Variants in DNM1 observed in about 807,000 individuals in gnomAD.
The protein encoded by DNM1 is dynamin 1.
A neutral mutation model predicts 104.6 loss-of-function variants in DNM1; 29 were observed. The observed-to-expected ratio is 0.28, with a 90% CI of 0.21 to 0.38. The LOEUF is 0.38. DNM1 is among the 10% of genes least tolerant of loss of function. The pLI is 1.00. For missense variants in DNM1, 640 were observed against 1,189.4 expected (o/e 0.54, Z 6.79); for synonymous variants, 445 against 475.8 (o/e 0.94, Z 0.84).
At chr9:128,246,954 T>A in intron 16 of DNM1, 1 of 233,930 alleles carries the variant, frequency 4.3e-6, no homozygotes, top group Non-Finnish European at 8.6e-6. Context: ...GCAGTACTAG[T>A]CCTCTTCCTT....
chr9:128,218,850 A>C lies in DNM1; in HGVS notation c.385+119A>C, dbSNP rs564705474. ...AATGACCCTGCCTCTGCATCATCCTATTCCAAGCTCCACCCTGCCGTGATT... is the reference window on the plus strand; with the variant it reads ...AATGACCCTGCCTCTGCATCATCCTCTTCCAAGCTCCACCCTGCCGTGATT... On this transcript the variant is annotated intron_variant, in intron 3 of 21. Coordinates refer to ENST00000372923, the MANE Select transcript of DNM1 (RefSeq NM_004408.4). The surrounding 1 kb of genome is among the most constrained non-coding windows in gnomAD (Gnocchi z 4.8). 7.1e-5 allele frequency: 99 copies of C among 1,389,968 alleles called. No individual in the cohort carries two copies. In the African/African-American group the frequency reaches 1.4e-3, roughly 19 times the overall value. 86.1% of individuals were successfully genotyped at this position (1,389,968 alleles called of 1,614,324 possible).
chr9:128,232,199 C>A, intron 10 of DNM1: 1 of 385,990 alleles, frequency 2.6e-6, no homozygotes, highest in Non-Finnish European at 5.2e-6. Flanking sequence ...CTCCTCCAAA[C>A]TCTACCCTGG....
chr9:128,254,454 T>C lies in DNM1; in HGVS notation c.2535-200T>C. 6.8e-7 allele frequency: 1 copy of C among 1,475,410 alleles called. No individual in the cohort carries two copies. The highest frequency in any genetic ancestry group is 2.5e-5 in the East Asian group (1 of 39,268). The allele number at this position is 1,475,410 out of a possible 1,614,324, so 91.4% of individuals were successfully genotyped here. ...CAGGCGCTATCTGTGAAGCTACGGC[T>C]CCTCCCTCCATCTTCCTCCCCTTTC... is the stretch of plus-strand genomic sequence containing the variant. On this transcript the variant is annotated intron_variant, in intron 21 of 21. Coordinates refer to ENST00000372923, the MANE Select transcript of DNM1 (RefSeq NM_004408.4). This position sits in a 1 kb window ranked among gnomAD's most constrained non-coding sequence, Gnocchi z 6.1.
In DNM1 at chr9:128,222,777, C is replaced by T. The variant is rs1317635408; in HGVS notation, c.1129-16C>T. The T allele has an allele frequency of 6.2e-7, 1 of 1,614,054 alleles. No individual in the cohort carries two copies. Among genetic ancestry groups the T allele is most frequent in the African/African-American group, 1.3e-5 (1 of 75,042 alleles). On this transcript the variant is annotated splice_polypyrimidine_tract_variant and intron_variant, in intron 8 of 21. Transcript: ENST00000372923. The surrounding 1 kb of genome is among the most constrained non-coding windows in gnomAD (Gnocchi z 7.8). ...GGACAGGCCCTGACCAGGCTTTTCT[C>T]TGCTTTTCTACACAGATGGAGTTTG...
chr9:128,234,047 G>A lies in DNM1; in HGVS notation c.1362G>A (p.Glu454=). The A allele has an allele frequency of 6.3e-7, 1 of 1,577,378 alleles. No homozygotes were observed. Among genetic ancestry groups the A allele is most frequent in the Non-Finnish European group, 8.6e-7 (1 of 1,162,300 alleles). ...TCCAGCAGTACCCGCGGCTACGGGAGGAGATGGAGCGCATCGTGACCACCC... is the reference window on the plus strand; with the variant it reads ...TCCAGCAGTACCCGCGGCTACGGGAAGAGATGGAGCGCATCGTGACCACCC... ...KKLQQYPRLR[E]EMERIVTTHI... The change falls in exon 11 of 22, where the codon GAG becomes GAA. Residue 454 remains glutamate (E), a synonymous_variant. Transcript: ENST00000372923.
rs762829241 is a variant in DNM1, at chr9:128,219,297, A to G, written c.589+45A>G. ...CCAATGCACAAAACCCCAGGCTTGC[A>G]GGCTGTCTATTCTTAGTGTAAAGGG... On this transcript the variant is annotated intron_variant, in intron 4 of 21. Transcript: ENST00000372923. 5.2e-6 allele frequency: 8 copies of G among 1,540,150 alleles called. No individual in the cohort carries two copies. In the South Asian group the frequency reaches 8.9e-5, roughly 17 times the overall value.
At position 128,218,433 on chromosome 9, in the gene DNM1, G is replaced by C; in HGVS notation, c.235+129G>C. 7.1e-7 allele frequency: 1 copy of C among 1,413,400 alleles called. No individual in the cohort carries two copies. The highest frequency in any genetic ancestry group is 1.7e-5 in the Admixed American group (1 of 58,960). 87.6% of individuals were successfully genotyped at this position (1,413,400 alleles called of 1,614,324 possible). On this transcript the variant is annotated intron_variant, in intron 2 of 21. Coordinates refer to ENST00000372923, the MANE Select transcript of DNM1 (RefSeq NM_004408.4). The surrounding 1 kb of genome is among the most constrained non-coding windows in gnomAD (Gnocchi z 4.8). ...GTGGGCCTCGTTCCCCTTAGGGATA[G>C]CGGGGATCAAAATACATAATGGAGA...
rs140957239 is a variant in DNM1 at position 128,227,574 on chromosome 9, G to A, written c.1335+3185G>A. Among the ~76,000 whole-genome samples the A allele has an allele frequency of 6.6e-3, 999 of 151,656 alleles. 14 individuals carry two copies. Among genetic ancestry groups the A allele is most frequent in the African/African-American group, 0.023 (942 of 41,328 alleles). ...TTTTTGTATTTTTAGTAGAGACGGG[G>A]TTTCACCATGTTAGCCAGGCTGGTC... is the stretch of plus-strand genomic sequence containing the variant. On this transcript the variant is annotated intron_variant, in intron 10 of 21. Transcript: ENST00000372923.
Position 128,245,067 on chromosome 9 carries a change from G to T in DNM1, c.1672-1327G>T, listed in dbSNP as rs1453179778. The stretch of plus-strand genomic sequence containing the variant: ...CCGGCCGGCAGGAAGGGAGGGGTGG[G>T]GGGAGGAGGCCGCTCCTACCTAGTG... On this transcript the variant is annotated intron_variant, in intron 15 of 21. Coordinates refer to ENST00000372923, the MANE Select transcript of DNM1 (RefSeq NM_004408.4). This position sits in a 1 kb window ranked among gnomAD's most constrained non-coding sequence, Gnocchi z 5.2. 3.8e-6 allele frequency: 1 copy of T among 263,302 alleles called. No individual in the cohort carries two copies. The highest frequency in any genetic ancestry group is 7.9e-6 in the Non-Finnish European group (1 of 126,962). 16.3% of individuals were successfully genotyped at this position (263,302 alleles called of 1,614,324 possible). A position where few individuals can be genotyped will look rare whatever the true frequency, so the allele number is the denominator to read the frequency against.
At chr9:128,219,889 C>A in intron 4 of DNM1, 99 bp from the exon 5 acceptor site, 1 of 876,246 alleles carries the variant, frequency 1.1e-6, no homozygotes. Context: ...AGTGAGCAGG[C>A]AGGGGGCCGA....
chr9:128,208,936 T>C (rs1301353676), intron 1 of DNM1, among the ~76,000 whole-genome samples: 3 of 151,982 alleles, frequency 2.0e-5, no homozygotes, highest in Non-Finnish European at 2.9e-5. Flanking sequence ...AGCAAAGAGT[T>C]AGGGGGAAAA....
At position 128,253,182 on chromosome 9, in the gene DNM1, C is replaced by G; in HGVS notation, c.2535-1472C>G. On this transcript the variant is annotated intron_variant, in intron 21 of 21. Transcript: ENST00000372923. This position sits in a 1 kb window ranked among gnomAD's most constrained non-coding sequence, Gnocchi z 5.9. ...CCTGCTGCATGAACGGTGTGTCTGC[C>G]CCGCTGCACTAGCTCCACACGGGGC... is the stretch of plus-strand genomic sequence containing the variant. 6.3e-7 allele frequency: 1 copy of G among 1,587,938 alleles called. No homozygotes were observed. The highest frequency in any genetic ancestry group is 2.2e-5 in the East Asian group (1 of 44,726).
chr9:128,247,503 G>T lies in DNM1; in HGVS notation c.1893+17G>T. On this transcript the variant is annotated intron_variant, in intron 17 of 21. Coordinates refer to ENST00000372923, the MANE Select transcript of DNM1 (RefSeq NM_004408.4). The surrounding 1 kb of genome is among the most constrained non-coding windows in gnomAD (Gnocchi z 5.1). ...CGTGTTGGGGTGAGTGGCAGGGCAA[G>T]GAGAGGAAGGGCAAGCATGATCCTA... 1 of 1,575,150 alleles carries T rather than the reference G, an allele frequency of 6.3e-7. No homozygotes were observed. Among genetic ancestry groups the T allele is most frequent in the Non-Finnish European group, 8.7e-7 (1 of 1,148,108 alleles).
rs780670078 is a variant in DNM1, at chr9:128,250,336, G to A, written c.2298G>A (p.Gln766=). Residue 766 remains glutamine, a synonymous_variant, in exon 20 of 22, where the codon CAG becomes CAA. Transcript: ENST00000372923. ...PPVDDSWLQV[Q]SVPAGRRSPT... is the part of the protein sequence containing the mutation. The stretch of plus-strand genomic sequence containing the variant: ...TGGACGACTCCTGGCTGCAGGTGCA[G>A]AGCGTACCGGCCGGACGCAGGTACC... 6.3e-7 allele frequency: 1 copy of A among 1,593,790 alleles called. No individual in the cohort carries two copies. The highest frequency in any genetic ancestry group is 8.5e-7 in the Non-Finnish European group (1 of 1,171,074).
chr9:128,232,354 C>T (rs1007376714), intron 10 of DNM1, among the ~76,000 whole-genome samples: 2 of 152,154 alleles, frequency 1.3e-5, no homozygotes, highest in South Asian at 2.1e-4. Context: ...CTCTAGTCAC[C>T]GTTTTTAAGC....
rs967045913 is a variant in DNM1, at chr9:128,218,110, G to A, written c.162-121G>A. The A allele has an allele frequency of 2.2e-6, 2 of 898,024 alleles. No individual in the cohort carries two copies. Among genetic ancestry groups the A allele is most frequent in the African/African-American group, 3.3e-5 (2 of 61,202 alleles). 55.6% of individuals were successfully genotyped at this position (898,024 alleles called of 1,614,324 possible). Reference sequence around the variant, plus strand: ...TAGTTACCTGAAGCCCCTGGGCTAAGGAGCGGTGGAGCCAGCACTTTGGAA... The same window carrying A: ...TAGTTACCTGAAGCCCCTGGGCTAAAGAGCGGTGGAGCCAGCACTTTGGAA... On this transcript the variant is annotated intron_variant, in intron 1 of 21. Transcript: ENST00000372923. This position sits in a 1 kb window ranked among gnomAD's most constrained non-coding sequence, Gnocchi z 4.8.
rs757058430 is a variant in DNM1, at chr9:128,250,193, G to C, written c.2155G>C (p.Ala719Pro). 2 of 1,614,172 alleles carry C rather than the reference G, an allele frequency of 1.2e-6. No individual in the cohort carries two copies. The highest frequency in any genetic ancestry group is 4.5e-5 in the East Asian group (2 of 44,886). ...CCAGAACACGCTGATGGAGGAGTCGGCGGAGCAGGCACAGCGGCGCGACGA... is the reference window on the plus strand; with the variant it reads ...CCAGAACACGCTGATGGAGGAGTCGCCGGAGCAGGCACAGCGGCGCGACGA... ...GDQNTLMEESAEQAQRRDEML... is the reference protein window; with the variant it reads ...GDQNTLMEESPEQAQRRDEML... Residue 719 changes from alanine to proline, a missense_variant, in exon 20 of 22, where the codon GCG becomes CCG. Around this residue, in one of 7 missense-constraint regions of DNM1, gnomAD observed 129 missense variants for 224.6 expected, o/e 0.57. Coordinates refer to ENST00000372923, the MANE Select transcript of DNM1 (RefSeq NM_004408.4).
At chr9:128,238,869 A>G (rs538415361) in intron 11 of DNM1, among the ~76,000 whole-genome samples, 52 of 150,174 alleles carry the variant, frequency 3.5e-4, no homozygotes, top group African/African-American at 1.2e-3. Flanking sequence ...GTTAGGCAGG[A>G]TGGTCTCGAT....
chr9:128,213,209 G>A (rs2131123046), intron 1 of DNM1, among the ~76,000 whole-genome samples: 1 of 152,206 alleles, frequency 6.6e-6, no homozygotes, highest in Middle Eastern at 3.4e-3. Context: ...AGTCTCCCGA[G>A]TAGCTGGGAC....
Sources: gnomAD v4.1 joint callset for allele counts (sites outside exome capture counted in the v4.1 genomes callset) on GRCh38, gnomAD v4.1.1 for gene constraint, gnomAD v4.1.1 regional missense constraint, Gnocchi (gnomAD v3.1) non-coding constraint, MANE v1.5 for transcripts, NCBI Gene and HGNC (gene_info 2026-07-23, HGNC 2026-07-21) for gene names.